The following ACSS1 variants were observed in gnomAD, a reference collection of about 807,000 sequenced individuals.
ACSS1 encodes the protein acetyl-coenzyme A synthetase 2-like, mitochondrial.
ACSS1 carries 42 observed loss-of-function variants against 75.3 expected under a neutral mutation model. That is an observed-to-expected ratio of 0.56 (90% CI 0.44 to 0.72). ACSS1 has a LOEUF of 0.72. Among genes scored for constraint, ACSS1 ranks in the 30% least tolerant of loss-of-function variants. The probability of loss-of-function intolerance (pLI) is 0.00; values close to 1 mark genes in which losing one functional copy is unlikely to be tolerated. For missense variants in ACSS1, 782 were observed against 935.7 expected (o/e 0.84, Z 2.14); for synonymous variants, 380 against 376.8 (o/e 1.01, Z -0.10).
In ACSS1 at chr20:25,023,627, C is replaced by A; in HGVS notation, c.646G>T (p.Val216Phe). The change falls in exon 4 of 14, where the codon GTT (valine) becomes TTT (phenylalanine). Residue 216 changes from valine to phenylalanine, a missense_variant. By Grantham distance (50) the Val-to-Phe change is conservative (BLOSUM62 -1). Coordinates refer to ENST00000323482, the MANE Select transcript of ACSS1 (RefSeq NM_032501.4). ...CGGAGTCCTTGGTTGAAGGTGATAACCACCTTGCACTTGGCTAACAGAGAC... is the reference window on the plus strand; with the variant it reads ...CGGAGTCCTTGGTTGAAGGTGATAAACACCTTGCACTTGGCTAACAGAGAC... ...GRINDAKCKV[V>F]ITFNQGLRGG... 6.2e-7 allele frequency: 1 copy of A among 1,605,630 alleles called. No individual in the cohort carries two copies. Among genetic ancestry groups the A allele is most frequent in the Non-Finnish European group, 8.5e-7 (1 of 1,175,228 alleles).
intron 2 of ACSS1, among the ~76,000 whole-genome samples, chr20:25,041,131 G>A (rs1444765448): frequency 6.6e-6 from 1 of 152,070 alleles, no homozygotes; most frequent in African/African-American, 2.4e-5. Context: ...GGTGGCAGGT[G>A]CCTGTAGTCC....
At chr20:25,015,026 G>A in intron 8 of ACSS1, 112 bp downstream of exon 8, 1 of 895,446 alleles carries the variant, frequency 1.1e-6, no homozygotes, top group Non-Finnish European at 1.6e-6. Flanking sequence ...CTCGGGCGTT[G>A]AAGCGTCTTC....
Position 25,009,277 on chromosome 20 carries a change from T to C in ACSS1, c.1883A>G (p.Glu628Gly). The stretch of plus-strand genomic sequence containing the variant: ...TGTGGGAGGCCCACTCACCAGGATC[T>C]CATCAGGCACAGCATATTTGGCGAT... ...TKIAKYAVPD[E>G]ILVVKRLPKT... The change falls in exon 13 of 14, where the codon GAG becomes GGG. Residue 628 changes from glutamate (E) to glycine (G), a missense_variant. Glu to Gly is a moderately conservative substitution (Grantham distance 98). Coordinates refer to ENST00000323482, the MANE Select transcript of ACSS1 (RefSeq NM_032501.4). 2.5e-6 allele frequency: 4 copies of C among 1,612,324 alleles called. No individual in the cohort carries two copies. Among genetic ancestry groups the C allele is most frequent in the Non-Finnish European group, 3.4e-6 (4 of 1,178,304 alleles).
At chr20:25,042,616 T>A (rs775782634) in intron 2 of ACSS1, among the ~76,000 whole-genome samples, 3 of 152,014 alleles carry the variant, frequency 2.0e-5, no homozygotes, top group African/African-American at 4.8e-5. Context: ...GGTAATTAAC[T>A]TGGGAGGTGA....
chr20:25,051,319 G>C (rs995203912), intron 1 of ACSS1, among the ~76,000 whole-genome samples: 3 of 152,246 alleles, frequency 2.0e-5, no homozygotes, highest in African/African-American at 7.2e-5. Context: ...ACAGAGCTGA[G>C]GAACAGACCA....
Position 25,007,574 on chromosome 20 carries a change from T to A in ACSS1, c.*188A>T. 4.2e-6 allele frequency: 6 copies of A among 1,437,016 alleles called. No individual in the cohort carries two copies. The highest frequency in any genetic ancestry group is 5.5e-6 in the Non-Finnish European group (6 of 1,099,990). The allele number at this position is 1,437,016 out of a possible 1,614,324, so 89.0% of individuals were successfully genotyped here. A position where few individuals can be genotyped will look rare whatever the true frequency, so the allele number is the denominator to read the frequency against. On this transcript the variant is annotated 3_prime_UTR_variant, in exon 14 of 14. Coordinates refer to ENST00000323482, the MANE Select transcript of ACSS1 (RefSeq NM_032501.4). Reference sequence around the variant, plus strand: ...CGCATAGCCTCTCCATGGGTGACACTCCTGGGACCTCCAATGGATGGGAGA... The same window carrying A: ...CGCATAGCCTCTCCATGGGTGACACACCTGGGACCTCCAATGGATGGGAGA...
chr20:25,031,151 C>T (rs578034274), intron 2 of ACSS1, 193 bp from the exon 3 acceptor site: 13 of 692,100 alleles, frequency 1.9e-5, no homozygotes, highest in Admixed American at 1.8e-4. Flanking sequence ...TTGTAGATTG[C>T]TATTGGCAGA....
At chr20:25,021,256 G>T in intron 6 of ACSS1, 133 bp downstream of exon 6, 1 of 1,222,212 alleles carries the variant, frequency 8.2e-7, no homozygotes. Context: ...CATTTCGACA[G>T]CAGGACCTGG....
chr20:25,037,793 A>T (rs2088938730), intron 2 of ACSS1, among the ~76,000 whole-genome samples: 1 of 152,222 alleles, frequency 6.6e-6, no homozygotes. Flanking sequence ...GCCAGCTCGC[A>T]TCTCATGGAC....
chr20:25,037,371 G>A (rs530512965), intron 2 of ACSS1, among the ~76,000 whole-genome samples: 4 of 152,246 alleles, frequency 2.6e-5, no homozygotes, highest in South Asian at 4.2e-4. Flanking sequence ...CTTGCATCAC[G>A]CTGGCATGAA....
intron 12 of ACSS1, chr20:25,010,458 G>A (rs1365270753): frequency 3.3e-5 from 5 of 152,286 alleles, no homozygotes; most frequent in Non-Finnish European, 5.9e-5. Flanking sequence ...AACAAGCTAT[G>A]ATCTGTAAAG....
chr20:25,013,845 G>A, intron 9 of ACSS1, 116 bp downstream of exon 9: 1 of 1,345,168 alleles, frequency 7.4e-7, no homozygotes, highest in Non-Finnish European at 1.0e-6. Context: ...AACGCTGCAA[G>A]GTCAGCAGCC....
At chr20:25,008,559 A>G in intron 13 of ACSS1, among the ~76,000 whole-genome samples, 1 of 152,156 alleles carries the variant, frequency 6.6e-6, no homozygotes, top group East Asian at 1.9e-4. Context: ...TACCAAGTGG[A>G]TCCTGGCCCT....
intron 3 of ACSS1, among the ~76,000 whole-genome samples, chr20:25,028,884 C>T (rs920260848): frequency 1.3e-5 from 2 of 151,770 alleles, no homozygotes; most frequent in African/African-American, 4.8e-5. Context: ...CATGCCCCTG[C>T]ACTCCAGCCT....
At chr20:25,010,074 T>C (rs2088378812) in intron 12 of ACSS1, 1 of 152,384 alleles carries the variant, frequency 6.6e-6, no homozygotes, top group Non-Finnish European at 1.5e-5. Flanking sequence ...TCTAATTTGA[T>C]TGTTGTCCAT....
At chr20:25,048,704 G>C (rs11908037) in intron 1 of ACSS1, among the ~76,000 whole-genome samples, 10,801 of 152,280 alleles carry the variant, frequency 0.071, 1,307 homozygotes, top group African/African-American at 0.25. Flanking sequence ...CGTGTTCCAC[G>C]AGCACCCAGT....
At chr20:25,037,928 G>A (rs1356537925) in intron 2 of ACSS1, among the ~76,000 whole-genome samples, 2 of 152,232 alleles carry the variant, frequency 1.3e-5, no homozygotes, top group Non-Finnish European at 2.9e-5. Flanking sequence ...CAGAAGACCA[G>A]GAAGTCAGCT....
At chr20:25,034,136 G>A (rs767688132) in intron 2 of ACSS1, among the ~76,000 whole-genome samples, 3 of 152,130 alleles carry the variant, frequency 2.0e-5, no homozygotes, top group Non-Finnish European at 4.4e-5. Context: ...GACGTCAGGC[G>A]GTGCAGCCTC....
chr20:25,036,621 A>C (rs2088912234), intron 2 of ACSS1, among the ~76,000 whole-genome samples: 1 of 152,190 alleles, frequency 6.6e-6, no homozygotes, highest in Non-Finnish European at 1.5e-5. Context: ...ATGAAGGCCC[A>C]GGATAAGTAA....
Sources: allele counts gnomAD v4.1 joint callset (sites outside exome capture counted in the v4.1 genomes callset), GRCh38; gene constraint gnomAD v4.1.1; transcripts MANE v1.5; gene names NCBI Gene and HGNC (gene_info 2026-07-23, HGNC 2026-07-21).